MUSK: variants seen among roughly 807,000 people sequenced by gnomAD.
MUSK encodes the protein muscle, skeletal receptor tyrosine-protein kinase.
Under a neutral mutation model 88.7 loss-of-function variants are expected in MUSK, and 55 were observed. The observed-to-expected ratio is 0.62, with a 90% CI of 0.50 to 0.78. The LOEUF is 0.78. MUSK is among the 30% of genes least tolerant of loss of function. The pLI, the probability that MUSK is intolerant of heterozygous loss-of-function variation, is 0.00. For synonymous variants in MUSK, 387 were observed against 391.9 expected (o/e 0.99, Z 0.15); for missense variants, 1,015 against 1,074.3 (o/e 0.94, Z 0.77).
At chr9:110,742,819 C>T (rs558561659) in intron 6 of MUSK, among the ~76,000 whole-genome samples, 31 of 152,282 alleles carry the variant, frequency 2.0e-4, no homozygotes, top group Non-Finnish European at 3.2e-4. Context: ...GCAGTTCTTA[C>T]GGTCAGAGAG....
intron 1 of MUSK, 39 bp from the exon 2 acceptor site, chr9:110,682,635 T>C: frequency 2.5e-6 from 4 of 1,603,468 alleles, no homozygotes; most frequent in Non-Finnish European, 3.4e-6. Context: ...GTAAACAAAA[T>C]TCTAGAATGT....
intron 3 of MUSK, among the ~76,000 whole-genome samples, chr9:110,691,666 C>A (rs1188933832): frequency 6.6e-6 from 1 of 152,190 alleles, no homozygotes; most frequent in Non-Finnish European, 1.5e-5. Context: ...TCTTCTCTGA[C>A]ATGCTTATAA....
chr9:110,683,288 A>G (rs2076155755), intron 2 of MUSK, among the ~76,000 whole-genome samples: 1 of 152,094 alleles, frequency 6.6e-6, no homozygotes, highest in Non-Finnish European at 1.5e-5. Flanking sequence ...AGTTCCATCC[A>G]TGTCTTTGCA....
chr9:110,752,753 G>A (rs1470985923), intron 7 of MUSK, among the ~76,000 whole-genome samples: 1 of 152,196 alleles, frequency 6.6e-6, no homozygotes, highest in Non-Finnish European at 1.5e-5. Flanking sequence ...TCTAGTGTTT[G>A]AAGGACAACA....
At chr9:110,711,351 T>C (rs1288229476) in intron 5 of MUSK, among the ~76,000 whole-genome samples, 1 of 152,206 alleles carries the variant, frequency 6.6e-6, no homozygotes, top group Non-Finnish European at 1.5e-5. Flanking sequence ...GCACATGATC[T>C]GTCCCTTTTA....
chr9:110,700,003 C>T (rs983775176), intron 5 of MUSK, among the ~76,000 whole-genome samples: 3 of 152,152 alleles, frequency 2.0e-5, no homozygotes, highest in African/African-American at 7.2e-5. Flanking sequence ...AGAAGTAAAG[C>T]TCCCTTTCCA....
At chr9:110,673,912 T>A (rs1272262078) in intron 1 of MUSK, among the ~76,000 whole-genome samples, 1 of 152,180 alleles carries the variant, frequency 6.6e-6, no homozygotes, top group African/African-American at 2.4e-5. Flanking sequence ...TTTCTACATA[T>A]TTTTAAAGTC....
chr9:110,687,455 C>G (rs529178661), intron 3 of MUSK, among the ~76,000 whole-genome samples, 187 bp downstream of exon 3: 1 of 152,148 alleles, frequency 6.6e-6, no homozygotes, highest in South Asian at 2.1e-4. Flanking sequence ...CTGCCTCAGG[C>G]TCCTGAGTAG....
In MUSK at chr9:110,717,277, T is replaced by C. The variant is rs1025935529; in HGVS notation, c.629-16974T>C. Among the ~76,000 whole-genome samples the C allele has an allele frequency of 2.7e-5, 4 of 149,772 alleles. 1 individual carries two copies. Among genetic ancestry groups the C allele is most frequent in the African/African-American group, 1.0e-4 (4 of 39,488 alleles). On this transcript the variant is annotated intron_variant, in intron 5 of 14. Transcript: ENST00000374448. The stretch of plus-strand genomic sequence containing the variant: ...CACAACCACTTTGCTGATTTTGAAA[T>C]TGTGGATCACAATGTTATATTTCAG...
chr9:110,774,889 ACACT>A lies in MUSK; in HGVS notation c.1185-897_1185-894del, dbSNP rs113756274. Among the ~76,000 whole-genome samples the A allele has an allele frequency of 4.1e-3, 584 of 143,688 alleles. 4 individuals are homozygous for A. Among genetic ancestry groups the A allele is most frequent in the Middle Eastern group, 0.014 (4 of 288 alleles). 94.3% of individuals were successfully genotyped at this position (143,688 alleles called of 152,430 possible). ...TATACACACACACACACACACACAC[ACACT>A]CTTACAATTTCCTCCTCTCTGAATC... On this transcript the variant is annotated intron_variant, in intron 9 of 14. Coordinates refer to ENST00000374448, the MANE Select transcript of MUSK (RefSeq NM_005592.4).
rs868081509 is a variant in MUSK at position 110,719,656 on chromosome 9, C to A, written c.629-14595C>A. On this transcript the variant is annotated intron_variant, in intron 5 of 14. Coordinates refer to ENST00000374448, the MANE Select transcript of MUSK (RefSeq NM_005592.4). Reference sequence around the variant, plus strand: ...ACACTAACAGTGAGGGACTTTAATACTACACTGATAGCACTAGACAGATCA... The same window carrying A: ...ACACTAACAGTGAGGGACTTTAATAATACACTGATAGCACTAGACAGATCA... Among the ~76,000 whole-genome samples, 11 of 152,176 alleles carry A rather than the reference C, an allele frequency of 7.2e-5. No homozygotes were observed. The Middle Eastern group carries it at 0.01, about 141-fold the overall frequency.
At chr9:110,751,486 T>C (rs953183204) in intron 7 of MUSK, among the ~76,000 whole-genome samples, 1 of 152,128 alleles carries the variant, frequency 6.6e-6, no homozygotes, top group African/African-American at 2.4e-5. Flanking sequence ...GTGGGAGCAA[T>C]GCAAAGATTG....
chr9:110,774,706 A>G (rs2077638323), intron 9 of MUSK, among the ~76,000 whole-genome samples: 1 of 152,192 alleles, frequency 6.6e-6, no homozygotes, highest in South Asian at 2.1e-4. Context: ...CAAGAATTAT[A>G]AATCCCATTG....
chr9:110,725,137 A>G (rs2076867244), intron 5 of MUSK, among the ~76,000 whole-genome samples: 1 of 152,054 alleles, frequency 6.6e-6, no homozygotes, highest in Non-Finnish European at 1.5e-5. Flanking sequence ...CATTATTCTA[A>G]GTGAAGTAAC....
chr9:110,749,909 T>G (rs1354154675), intron 7 of MUSK, among the ~76,000 whole-genome samples: 1 of 152,166 alleles, frequency 6.6e-6, no homozygotes, highest in African/African-American at 2.4e-5. Flanking sequence ...GATAATAGAA[T>G]ACTCAAAAAT....
At chr9:110,765,002 A>T (rs929412836) in intron 8 of MUSK, among the ~76,000 whole-genome samples, 1 of 152,132 alleles carries the variant, frequency 6.6e-6, no homozygotes, top group Admixed American at 6.5e-5. Flanking sequence ...GTTCATTATT[A>T]GTTGATTGTT....
chr9:110,694,791 CTA>C (rs1349830303), intron 3 of MUSK, among the ~76,000 whole-genome samples: 1 of 152,104 alleles, frequency 6.6e-6, no homozygotes, highest in Non-Finnish European at 1.5e-5. Context: ...CTGGCATAAA[CTA>C]TTTCTTCTGA....
chr9:110,707,229 C>T (rs1004721746), intron 5 of MUSK, among the ~76,000 whole-genome samples: 7 of 152,038 alleles, frequency 4.6e-5, no homozygotes, highest in African/African-American at 1.7e-4. Flanking sequence ...AATACCAGAC[C>T]ATACAAATCA....
chr9:110,765,853 T>C (rs1288029197), intron 8 of MUSK, among the ~76,000 whole-genome samples: 1 of 152,040 alleles, frequency 6.6e-6, no homozygotes, highest in Non-Finnish European at 1.5e-5. Flanking sequence ...GGATTACAGG[T>C]GTGAGCCACC....
Sources: allele counts gnomAD v4.1 joint callset (sites outside exome capture counted in the v4.1 genomes callset), GRCh38; gene constraint gnomAD v4.1.1; transcripts MANE v1.5; gene names NCBI Gene and HGNC (gene_info 2026-07-23, HGNC 2026-07-21).